Variants in GRM8 observed in about 807,000 individuals in gnomAD.
The protein encoded by GRM8 is glutamate metabotropic receptor 8, also known as metabotropic glutamate receptor 8.
GRM8 carries 47 observed loss-of-function variants against 87.2 expected under a neutral mutation model. That is an observed-to-expected ratio of 0.54 (90% CI 0.43 to 0.69). The LOEUF (loss-of-function observed/expected upper bound fraction) is 0.69, where lower values mean the gene tolerates loss of function less well. Ranked by LOEUF, GRM8 falls within the 30% of genes least tolerant of loss-of-function variation. The pLI is 0.00. For missense variants in GRM8, 1,019 were observed against 1,139.2 expected (o/e 0.89, Z 1.52); for synonymous variants, 396 against 404.5 (o/e 0.98, Z 0.25).
intron 2 of GRM8, among the ~76,000 whole-genome samples, chr7:127,143,923 A>T (rs548489519): frequency 5.8e-4 from 88 of 152,236 alleles, no homozygotes; most frequent in Middle Eastern, 3.4e-3. Flanking sequence ...AGTGCTAAAA[A>T]TATTTTGATA....
chr7:126,679,847 T>G (rs1484775799), intron 7 of GRM8, among the ~76,000 whole-genome samples: 1 of 151,998 alleles, frequency 6.6e-6, no homozygotes, highest in African/African-American at 2.4e-5. Flanking sequence ...CTGGCCAACA[T>G]GGCAAAACCC....
intron 7 of GRM8, among the ~76,000 whole-genome samples, chr7:126,766,122 A>G (rs1818167770): frequency 2.0e-5 from 3 of 152,156 alleles, no homozygotes; most frequent in Admixed American, 6.6e-5. Flanking sequence ...TAAATGATAC[A>G]CTGGAAGAAG....
chr7:126,811,985 G>A (rs2151740856), intron 6 of GRM8, among the ~76,000 whole-genome samples: 1 of 151,920 alleles, frequency 6.6e-6, no homozygotes, highest in South Asian at 2.1e-4. Context: ...AGGGTGGAGG[G>A]GTGAGAGGGG....
intron 3 of GRM8, among the ~76,000 whole-genome samples, chr7:126,915,804 A>G (rs185900908): frequency 2.0e-5 from 3 of 152,334 alleles, no homozygotes; most frequent in Admixed American, 6.5e-5. Flanking sequence ...AGAGGTATCT[A>G]TGGAACTGGG....
intron 8 of GRM8, among the ~76,000 whole-genome samples, chr7:126,552,226 T>C (rs1162803524): frequency 6.6e-6 from 1 of 152,138 alleles, no homozygotes; most frequent in Non-Finnish European, 1.5e-5. Context: ...ATTTGTATGA[T>C]AATTTCATTA....
chr7:126,772,939 T>G (rs1240062433), intron 6 of GRM8, among the ~76,000 whole-genome samples: 1 of 152,108 alleles, frequency 6.6e-6, no homozygotes, highest in African/African-American at 2.4e-5. Context: ...TGTCCTGAAA[T>G]TAGGCATATA....
At chr7:126,469,417 C>T (rs1305845073) in intron 9 of GRM8, among the ~76,000 whole-genome samples, 1 of 152,026 alleles carries the variant, frequency 6.6e-6, no homozygotes, top group Non-Finnish European at 1.5e-5. Context: ...TCAAAATGAC[C>T]ATTTCTCCAT....
chr7:126,733,644 A>C lies in GRM8; in HGVS notation c.1357+36221T>G, dbSNP rs568893308. The stretch of plus-strand genomic sequence containing the variant: ...CAGTGTAGTTAGACATTTGGAAAAA[A>C]TTGATAAACGCATTAATAACGGACA... On this transcript the variant is annotated intron_variant, in intron 7 of 10. Transcript: ENST00000339582. Among the ~76,000 whole-genome samples the C allele has an allele frequency of 2.0e-5, 3 of 152,136 alleles. No individual in the cohort carries two copies. In the South Asian group the frequency reaches 6.2e-4, roughly 32 times the overall value.
intron 8 of GRM8, among the ~76,000 whole-genome samples, chr7:126,587,280 G>C (rs1796235397): frequency 6.6e-6 from 1 of 152,184 alleles, no homozygotes; most frequent in Non-Finnish European, 1.5e-5. Context: ...GATTCCTCAA[G>C]GATCTAGAAC....
intron 3 of GRM8, among the ~76,000 whole-genome samples, chr7:126,996,706 T>C (rs951815913): frequency 6.6e-6 from 1 of 152,044 alleles, no homozygotes; most frequent in African/African-American, 2.4e-5. Flanking sequence ...AACATTGTTA[T>C]ACAATGGCAA....
chr7:126,738,589 G>C (rs1255395081), intron 7 of GRM8, among the ~76,000 whole-genome samples: 1 of 151,648 alleles, frequency 6.6e-6, no homozygotes, highest in Non-Finnish European at 1.5e-5. Flanking sequence ...CCAAGTGAAG[G>C]ATACAGTTGG....
At chr7:126,856,283 TG>T (rs1391374357) in intron 6 of GRM8, among the ~76,000 whole-genome samples, 1 of 152,204 alleles carries the variant, frequency 6.6e-6, no homozygotes, top group East Asian at 1.9e-4. Context: ...TCTATAAATT[TG>T]CTGTCACTGT....
intron 6 of GRM8, among the ~76,000 whole-genome samples, chr7:126,838,971 C>T (rs1796035515): frequency 6.6e-6 from 1 of 152,200 alleles, no homozygotes; most frequent in Non-Finnish European, 1.5e-5. Context: ...TGAAGAACGG[C>T]ATTTGGTATC....
intron 3 of GRM8, among the ~76,000 whole-genome samples, chr7:127,040,906 G>A (rs1381261848): frequency 1.3e-5 from 2 of 152,212 alleles, no homozygotes; most frequent in African/African-American, 4.8e-5. Flanking sequence ...ATAGAAAAAT[G>A]TGCTGGATTT....
chr7:126,841,807 T>C (rs1249762216), intron 6 of GRM8, among the ~76,000 whole-genome samples: 2 of 151,976 alleles, frequency 1.3e-5, no homozygotes, highest in African/African-American at 2.4e-5. Context: ...TTTTTAAATA[T>C]ATTTTTAGTG....
intron 6 of GRM8, among the ~76,000 whole-genome samples, chr7:126,802,380 C>A (rs202001485): frequency 1.3e-5 from 2 of 152,120 alleles, no homozygotes; most frequent in Non-Finnish European, 2.9e-5. Context: ...CTTCCTGCTT[C>A]TATGAACTCA....
intron 6 of GRM8, among the ~76,000 whole-genome samples, chr7:126,781,093 G>A (rs1820024293): frequency 6.6e-6 from 1 of 152,192 alleles, no homozygotes; most frequent in Non-Finnish European, 1.5e-5. Flanking sequence ...TATCTGGACA[G>A]ATGCCAGTGC....
intron 2 of GRM8, among the ~76,000 whole-genome samples, chr7:127,136,241 C>T (rs1827940047): frequency 6.6e-6 from 1 of 152,098 alleles, no homozygotes. Flanking sequence ...GAACAGCTCT[C>T]ATCAAATTTG....
At chr7:126,445,531 G>A (rs1331193436) in intron 10 of GRM8, 1 of 152,264 alleles carries the variant, frequency 6.6e-6, no homozygotes, top group Non-Finnish European at 1.5e-5. Flanking sequence ...AGGATCATGA[G>A]GCTTTTAAAG....
Sources: allele counts gnomAD v4.1 joint callset (sites outside exome capture counted in the v4.1 genomes callset), GRCh38; gene constraint gnomAD v4.1.1; transcripts MANE v1.5; gene names NCBI Gene and HGNC (gene_info 2026-07-23, HGNC 2026-07-21).